Variants in HTR2C observed in about 807,000 individuals in gnomAD.
HTR2C encodes the protein 5-hydroxytryptamine (serotonin) receptor 2C, G protein-coupled.
HTR2C carries 5 observed loss-of-function variants against 21.0 expected under a neutral mutation model. The ratio of observed to expected loss-of-function variants is 0.24; its 90% CI spans 0.12 to 0.50. The LOEUF (loss-of-function observed/expected upper bound fraction) is 0.50. HTR2C is among the 20% of genes least tolerant of loss of function. HTR2C has a pLI of 0.98. For missense variants in HTR2C, 271 were observed against 371.2 expected (o/e 0.73, Z 2.22); for synonymous variants, 150 against 145.3 (o/e 1.03, Z -0.23).
At chrX:114,902,085 A>G (rs1213839269) in intron 5 of HTR2C, among the ~76,000 whole-genome samples, 1 of 111,837 alleles carries the variant, frequency 8.9e-6, no homozygotes, top group Admixed American at 9.6e-5. Context: ...TATTTGCTAA[A>G]CTTACTTAAT....
intron 2 of HTR2C, among the ~76,000 whole-genome samples, chrX:114,675,854 T>TTCG (rs1296682445): frequency 9.3e-6 from 1 of 107,481 alleles, no homozygotes; most frequent in East Asian, 2.9e-4. Context: ...TTTAAGACTT[T>TTCG]TCGTTTCTTT....
chrX:114,883,090 G>A (rs2071194407), intron 5 of HTR2C, among the ~76,000 whole-genome samples: 1 of 109,573 alleles, frequency 9.1e-6, no homozygotes, highest in Non-Finnish European at 1.9e-5. Context: ...GTCATTTTTG[G>A]TAGGTTGCAC....
chrX:114,847,594 T>TAA (rs5903437), intron 4 of HTR2C, among the ~76,000 whole-genome samples: 51 of 101,811 alleles, frequency 5.0e-4, no homozygotes, highest in South Asian at 9.5e-4. Context: ...TAATAATAAT[T>TAA]AAAAAAAAAA....
chrX:114,821,129 A>C (rs1205164402), intron 4 of HTR2C, among the ~76,000 whole-genome samples: 1 of 111,496 alleles, frequency 9.0e-6, no homozygotes, highest in African/African-American at 3.3e-5. Flanking sequence ...ATCCATAGTC[A>C]AACACTTGGT....
Position 114,807,136 on chromosome X carries a change from TATATACC to T in HTR2C, c.350-40861_350-40855del, listed in dbSNP as rs782515169. On this transcript the variant is annotated intron_variant, in intron 4 of 5. Coordinates refer to ENST00000276198, the MANE Select transcript of HTR2C (RefSeq NM_000868.4). ...ATATATATACCATATATACACCATA[TATATACC>T]ATATATACACCATATATATACCCCA... Among the ~76,000 whole-genome samples the T allele has an allele frequency of 9.3e-4, 16 of 17,113 alleles. 7 individuals carry two copies. The highest frequency in any genetic ancestry group is 1.3e-3 in the Non-Finnish European group (13 of 9,821). 14.9% of individuals were successfully genotyped at this position (17,113 alleles called of 115,157 possible).
chrX:114,723,384 C>T (rs1243495178), intron 2 of HTR2C, among the ~76,000 whole-genome samples: 16 of 110,957 alleles, frequency 1.4e-4, no homozygotes, highest in Admixed American at 2.9e-4. Flanking sequence ...TTTTTTATTG[C>T]GTCTATTTGA....
At chrX:114,821,217 G>C (rs2070629925) in intron 4 of HTR2C, among the ~76,000 whole-genome samples, 1 of 94,074 alleles carries the variant, frequency 1.1e-5, no homozygotes, top group African/African-American at 3.7e-5. Flanking sequence ...AGAGAAAGCA[G>C]ATATGAGTAC....
At chrX:114,700,875 C>T (rs782515871) in intron 2 of HTR2C, among the ~76,000 whole-genome samples, 37 of 112,400 alleles carry the variant, frequency 3.3e-4, no homozygotes, top group Non-Finnish European at 4.9e-4. Flanking sequence ...GCTTTTCCGA[C>T]GGGCTTAAAA....
Position 114,604,330 on chromosome X carries a change from T to C in HTR2C, c.-146-9485T>C, listed in dbSNP as rs1460699259. ...AAAAGGAGTGTTTAAAAGGGTATTG[T>C]CTAAGTTGGCACCAGAGTTGGGGAG... is the stretch of plus-strand genomic sequence containing the variant. On this transcript the variant is annotated intron_variant, in intron 1 of 5. Transcript: ENST00000276198. Among the ~76,000 whole-genome samples the C allele has an allele frequency of 9.1e-5, 10 of 110,248 alleles. No homozygotes were observed. The East Asian group carries it at 2.9e-3, about 32-fold the overall frequency.
intron 4 of HTR2C, among the ~76,000 whole-genome samples, chrX:114,732,989 G>A (rs1216557762): frequency 4.5e-5 from 5 of 112,143 alleles, no homozygotes; most frequent in Non-Finnish European, 9.4e-5. Flanking sequence ...AAACAAATGG[G>A]AAATAACATT....
chrX:114,837,508 A>C (rs1271185433), intron 4 of HTR2C, among the ~76,000 whole-genome samples: 1 of 111,807 alleles, frequency 8.9e-6, no homozygotes, highest in Non-Finnish European at 1.9e-5. Context: ...AGTTTTAATA[A>C]GATTTTTAAT....
intron 4 of HTR2C, among the ~76,000 whole-genome samples, chrX:114,815,354 T>C (rs2070574731): frequency 2.7e-5 from 3 of 111,531 alleles, no homozygotes; most frequent in Non-Finnish European, 5.7e-5. Flanking sequence ...CTAAAACTGC[T>C]TCTTTTGAAT....
chrX:114,800,668 A>T (rs1389402715), intron 4 of HTR2C, among the ~76,000 whole-genome samples: 1 of 111,626 alleles, frequency 9.0e-6, no homozygotes, highest in Non-Finnish European at 1.9e-5. Flanking sequence ...AAGCTGAAAT[A>T]GCTCCATGTG....
At chrX:114,694,492 T>TAC (rs1342052056) in intron 2 of HTR2C, among the ~76,000 whole-genome samples, 40 of 16,915 alleles carry the variant, frequency 2.4e-3, no homozygotes, top group South Asian at 4.1e-3. Context: ...TATATATATA[T>TAC]ACACACACAG....
At chrX:114,678,048 G>C (rs1931621849) in intron 2 of HTR2C, among the ~76,000 whole-genome samples, 1 of 110,006 alleles carries the variant, frequency 9.1e-6, no homozygotes, top group South Asian at 3.8e-4. Flanking sequence ...AATTACTTTT[G>C]AATCAGAAGG....
chrX:114,724,628 T>G (rs186764413), intron 2 of HTR2C, among the ~76,000 whole-genome samples: 1 of 98,848 alleles, frequency 1.0e-5, no homozygotes, highest in African/African-American at 3.6e-5. Flanking sequence ...CTTTACAATT[T>G]GGCATGATTT....
At chrX:114,676,028 A>G (rs368717396) in intron 2 of HTR2C, among the ~76,000 whole-genome samples, 24 of 109,222 alleles carry the variant, frequency 2.2e-4, no homozygotes, top group African/African-American at 6.3e-4. Context: ...TGCCACCACA[A>G]CCAGCTAATT....
At chrX:114,889,127 T>C (rs2071241358) in intron 5 of HTR2C, among the ~76,000 whole-genome samples, 1 of 112,047 alleles carries the variant, frequency 8.9e-6, no homozygotes, top group Admixed American at 9.6e-5. Flanking sequence ...GGATTGGCTG[T>C]TTTCACTATT....
At chrX:114,815,344 C>T (rs193017148) in intron 4 of HTR2C, among the ~76,000 whole-genome samples, 155 of 111,323 alleles carry the variant, frequency 1.4e-3, no homozygotes, top group African/African-American at 4.8e-3. Context: ...CAGGCCACAA[C>T]TAAAACTGCT....
Sources: allele counts gnomAD v4.1 joint callset (sites outside exome capture counted in the v4.1 genomes callset), GRCh38; gene constraint gnomAD v4.1.1; transcripts MANE v1.5; gene names NCBI Gene and HGNC (gene_info 2026-07-23, HGNC 2026-07-21).